The following MGAT4C variants were observed in gnomAD, a reference collection of about 807,000 sequenced individuals.
MGAT4C encodes the protein alpha-1,3-mannosyl-glycoprotein 4-beta-N-acetylglucosaminyltransferase C.
Under a neutral mutation model 40.1 loss-of-function variants are expected in MGAT4C, and 19 were observed. That is an observed-to-expected ratio of 0.47 (90% CI 0.33 to 0.70). The LOEUF (loss-of-function observed/expected upper bound fraction) is 0.70. MGAT4C is among the 30% of genes least tolerant of loss of function. The pLI is 0.02. For missense variants in MGAT4C, 491 were observed against 563.2 expected, an observed-to-expected ratio of 0.87 and a Z score of 1.30; for synonymous variants, 181 against 187.1, an observed-to-expected ratio of 0.97 and a Z score of 0.27.
chr12:86,146,717 T>C (rs1306602724), intron 1 of MGAT4C, among the ~76,000 whole-genome samples: 1 of 152,030 alleles, frequency 6.6e-6, no homozygotes, highest in Non-Finnish European at 1.5e-5. Flanking sequence ...AAATTTAGTG[T>C]CTTCTCAATA....
At chr12:86,366,864 T>C (rs1955609031) in intron 3 of MGAT4C, among the ~76,000 whole-genome samples, 1 of 152,140 alleles carries the variant, frequency 6.6e-6, no homozygotes, top group Non-Finnish European at 1.5e-5. Context: ...ATCTTAATAA[T>C]AGATGCAGAT....
chr12:86,690,612 C>G (rs1468046560), intron 2 of MGAT4C, among the ~76,000 whole-genome samples: 1 of 152,126 alleles, frequency 6.6e-6, no homozygotes, highest in Non-Finnish European at 1.5e-5. Flanking sequence ...GACATCCCAC[C>G]CTGCTTCTGC....
rs1962679600 is a variant in MGAT4C, at chr12:86,622,747, C to T, written c.-229+104462G>A. On this transcript the variant is annotated intron_variant, in intron 2 of 7. Transcript: ENST00000548651. ...TTAAAAAATTACAATATCTTGCACC[C>T]AATAAAATATTTCTAGAAATTCAAG... Among the ~76,000 whole-genome samples, 6 of 151,722 alleles carry T rather than the reference C, an allele frequency of 4.0e-5. No homozygotes were observed. The South Asian group carries it at 1.2e-3, about 32-fold the overall frequency.
At chr12:86,646,041 T>C (rs993265081) in intron 2 of MGAT4C, among the ~76,000 whole-genome samples, 1 of 151,826 alleles carries the variant, frequency 6.6e-6, no homozygotes, top group African/African-American at 2.4e-5. Flanking sequence ...GAAGCAAGAC[T>C]GAAGGAGGAA....
chr12:85,967,854 T>G lies in MGAT4C; in HGVS notation c.*11435A>C, dbSNP rs1883437145. On this transcript the variant is annotated 3_prime_UTR_variant, in exon 5 of 5. Coordinates refer to ENST00000611864, the MANE Select transcript of MGAT4C (RefSeq NM_001351288.2). ...GTGTATATTTACATAATTTACACTA[T>G]TCACAGTCCTTGTTTTTCTTGACTC... 2 of 152,100 alleles carry G rather than the reference T, an allele frequency of 1.3e-5. No homozygotes were observed. Among genetic ancestry groups the G allele is most frequent in the African/African-American group, 4.8e-5 (2 of 41,464 alleles). 9.4% of individuals were successfully genotyped at this position (152,100 alleles called of 1,614,324 possible).
At chr12:86,282,116 G>A (rs1413531091) in intron 4 of MGAT4C, among the ~76,000 whole-genome samples, 3 of 152,078 alleles carry the variant, frequency 2.0e-5, no homozygotes, top group Non-Finnish European at 2.9e-5. Flanking sequence ...CACCAGACTA[G>A]TGTTTTCTTT....
chr12:86,180,855 T>C (rs1888039058), intron 1 of MGAT4C, among the ~76,000 whole-genome samples: 2 of 152,184 alleles, frequency 1.3e-5, no homozygotes, highest in South Asian at 2.1e-4. Context: ...GGGTTAATGT[T>C]GAAATGAGTT....
At chr12:86,764,150 A>G (rs908576478) in intron 1 of MGAT4C, among the ~76,000 whole-genome samples, 1 of 152,158 alleles carries the variant, frequency 6.6e-6, no homozygotes. Context: ...AAATCAGGTC[A>G]TTCCCACCCG....
intron 2 of MGAT4C, among the ~76,000 whole-genome samples, chr12:86,624,708 A>T (rs1178030381): frequency 6.6e-6 from 1 of 152,110 alleles, no homozygotes; most frequent in Non-Finnish European, 1.5e-5. Context: ...GCCACATTAT[A>T]TTATTTTAAA....
intron 1 of MGAT4C, among the ~76,000 whole-genome samples, chr12:86,105,434 T>G (rs1875971722): frequency 3.3e-5 from 5 of 152,170 alleles, no homozygotes; most frequent in African/African-American, 4.8e-5. Context: ...CAGGCCTCAT[T>G]AGCATGTACA....
At chr12:86,387,606 C>A (rs1462370261) in intron 3 of MGAT4C, among the ~76,000 whole-genome samples, 2 of 151,730 alleles carry the variant, frequency 1.3e-5, no homozygotes, top group Non-Finnish European at 2.9e-5. Flanking sequence ...TGTTCAATGG[C>A]ATTATTTATA....
At chr12:86,352,889 G>A (rs1955201050) in intron 3 of MGAT4C, among the ~76,000 whole-genome samples, 1 of 151,284 alleles carries the variant, frequency 6.6e-6, no homozygotes, top group Non-Finnish European at 1.5e-5. Flanking sequence ...AGGGGGGAGG[G>A]GTAGCATTAG....
chr12:86,506,795 C>A (rs1958479449), intron 2 of MGAT4C, among the ~76,000 whole-genome samples: 1 of 152,122 alleles, frequency 6.6e-6, no homozygotes. Flanking sequence ...TGGTAGGCAG[C>A]TTTCAACTTT....
chr12:86,238,413 A>C (rs558464430), intron 1 of MGAT4C, among the ~76,000 whole-genome samples: 1 of 152,128 alleles, frequency 6.6e-6, no homozygotes, highest in East Asian at 1.9e-4. Flanking sequence ...CAAAATCATA[A>C]AAAAATCATT....
chr12:86,789,508 C>T (rs1942687250), intron 1 of MGAT4C, among the ~76,000 whole-genome samples: 1 of 152,058 alleles, frequency 6.6e-6, no homozygotes, highest in Admixed American at 6.6e-5. Flanking sequence ...CATGAATTGT[C>T]AGTACCTAAC....
At chr12:86,690,396 C>T (rs1057312934) in intron 2 of MGAT4C, among the ~76,000 whole-genome samples, 1 of 152,168 alleles carries the variant, frequency 6.6e-6, no homozygotes, top group African/African-American at 2.4e-5. Context: ...GGATGTCTGA[C>T]CAAACAGCCG....
At chr12:86,390,085 T>A (rs1056749480) in intron 3 of MGAT4C, among the ~76,000 whole-genome samples, 1 of 152,148 alleles carries the variant, frequency 6.6e-6, no homozygotes, top group Non-Finnish European at 1.5e-5. Context: ...CAGCTGACCT[T>A]GATTCAACTG....
intron 1 of MGAT4C, among the ~76,000 whole-genome samples, chr12:86,183,800 C>T (rs1888403822): frequency 6.6e-6 from 1 of 152,136 alleles, no homozygotes; most frequent in African/African-American, 2.4e-5. Flanking sequence ...TCTTATAAAG[C>T]CCTAAATTCT....
chr12:86,025,944 G>T (rs1211139249), intron 2 of MGAT4C, among the ~76,000 whole-genome samples: 3 of 151,582 alleles, frequency 2.0e-5, no homozygotes, highest in Non-Finnish European at 4.4e-5. Flanking sequence ...ATACATATAT[G>T]TTTTTAAACT....
Sources: allele counts gnomAD v4.1 joint callset (sites outside exome capture counted in the v4.1 genomes callset), GRCh38; gene constraint gnomAD v4.1.1; transcripts MANE v1.5; gene names NCBI Gene and HGNC (gene_info 2026-07-23, HGNC 2026-07-21).